The following SLC25A21 variants were observed in gnomAD, a reference collection of about 807,000 sequenced individuals.
SLC25A21 encodes mitochondrial 2-oxodicarboxylate carrier.
SLC25A21 carries 47 observed loss-of-function variants against 43.8 expected under a neutral mutation model. The observed-to-expected ratio is 1.07, with a 90% CI of 0.85 to 1.37. The LOEUF (loss-of-function observed/expected upper bound fraction) is 1.37, where lower values mean the gene tolerates loss of function less well. Ranked by LOEUF, SLC25A21 falls within the 40% of genes most tolerant of loss-of-function variation. SLC25A21 has a pLI of 0.00. For missense variants in SLC25A21, 352 were observed against 350.2 expected (o/e 1.00, Z -0.04); for synonymous variants, 131 against 121.3 (o/e 1.08, Z -0.52).
At chr14:36,908,360 A>G (rs1891590757) in intron 1 of SLC25A21, among the ~76,000 whole-genome samples, 1 of 152,170 alleles carries the variant, frequency 6.6e-6, no homozygotes, top group Admixed American at 6.6e-5. Context: ...AAACTTCCCT[A>G]AAAAGTCATC....
At chr14:37,103,043 G>T (rs979841096) in intron 1 of SLC25A21, among the ~76,000 whole-genome samples, 1 of 151,608 alleles carries the variant, frequency 6.6e-6, no homozygotes, top group Non-Finnish European at 1.5e-5. Context: ...AATAAATATC[G>T]TATCAATCCC....
chr14:36,890,396 G>T (rs1317524050), intron 1 of SLC25A21, among the ~76,000 whole-genome samples: 1 of 152,142 alleles, frequency 6.6e-6, no homozygotes, highest in African/African-American at 2.4e-5. Flanking sequence ...TAATTATAAT[G>T]ATTGGCCAAG....
At chr14:36,826,385 T>G (rs765718258) in intron 2 of SLC25A21, among the ~76,000 whole-genome samples, 1 of 152,198 alleles carries the variant, frequency 6.6e-6, no homozygotes, top group African/African-American at 2.4e-5. Flanking sequence ...TTTCCCTGTA[T>G]AGTTTTGTGC....
chr14:37,126,721 T>C (rs1487244154), intron 1 of SLC25A21, among the ~76,000 whole-genome samples: 1 of 152,170 alleles, frequency 6.6e-6, no homozygotes, highest in East Asian at 1.9e-4. Flanking sequence ...TTAACAAACA[T>C]TTACAAAGTA....
chr14:37,148,811 TAAC>T (rs1566914348), intron 1 of SLC25A21, among the ~76,000 whole-genome samples: 1 of 152,122 alleles, frequency 6.6e-6, no homozygotes, highest in Non-Finnish European at 1.5e-5. Context: ...TTTAAACTAA[TAAC>T]AAAAAATCAA....
intron 3 of SLC25A21, among the ~76,000 whole-genome samples, chr14:36,784,084 T>C (rs1887166659): frequency 6.6e-6 from 1 of 152,182 alleles, no homozygotes; most frequent in Non-Finnish European, 1.5e-5. Flanking sequence ...ATTACCCAGG[T>C]CGTCAGGTAT....
intron 1 of SLC25A21, among the ~76,000 whole-genome samples, chr14:37,000,129 T>A (rs559115846): frequency 8.5e-5 from 13 of 152,314 alleles, no homozygotes; most frequent in African/African-American, 3.1e-4. Context: ...CTTAGTTTCT[T>A]GGGCCAAAAA....
intron 1 of SLC25A21, among the ~76,000 whole-genome samples, chr14:37,026,926 A>G (rs1429237660): frequency 6.6e-6 from 1 of 152,132 alleles, no homozygotes; most frequent in Non-Finnish European, 1.5e-5. Context: ...CCATTTATTT[A>G]AAGACTACAT....
intron 7 of SLC25A21, among the ~76,000 whole-genome samples, chr14:36,689,524 G>A (rs1882705679): frequency 6.6e-6 from 1 of 152,178 alleles, no homozygotes; most frequent in Non-Finnish European, 1.5e-5. Context: ...GTGCAGGGTT[G>A]AAAACAAAGA....
intron 1 of SLC25A21, among the ~76,000 whole-genome samples, chr14:37,032,226 G>A (rs1028722290): frequency 1.3e-5 from 2 of 152,042 alleles, no homozygotes; most frequent in Non-Finnish European, 2.9e-5. Flanking sequence ...TAAAATAAGT[G>A]CTTAGGCCAT....
chr14:36,994,611 G>C (rs1041848960), intron 1 of SLC25A21, among the ~76,000 whole-genome samples: 1 of 152,094 alleles, frequency 6.6e-6, no homozygotes, highest in African/African-American at 2.4e-5. Flanking sequence ...GGGAGCCTAG[G>C]GTTATTAGGT....
intron 4 of SLC25A21, among the ~76,000 whole-genome samples, chr14:36,731,599 G>C (rs1884828636): frequency 6.6e-6 from 1 of 152,084 alleles, no homozygotes; most frequent in South Asian, 2.1e-4. Context: ...TCAATGCCCT[G>C]GGGCTGCTGA....
intron 1 of SLC25A21, among the ~76,000 whole-genome samples, chr14:37,088,340 T>C (rs775719758): frequency 4.6e-5 from 7 of 152,202 alleles, no homozygotes; most frequent in Non-Finnish European, 1.0e-4. Context: ...CACCTAATTA[T>C]ACAAAGTAAA....
At chr14:37,134,781 T>G (rs907700762) in intron 1 of SLC25A21, among the ~76,000 whole-genome samples, 3 of 152,072 alleles carry the variant, frequency 2.0e-5, no homozygotes, top group African/African-American at 7.2e-5. Flanking sequence ...GAAACGGAGC[T>G]TCATAATCAA....
At chr14:36,739,458 A>C (rs924443386) in intron 3 of SLC25A21, among the ~76,000 whole-genome samples, 3 of 152,104 alleles carry the variant, frequency 2.0e-5, no homozygotes, top group African/African-American at 7.2e-5. Context: ...TGGGTGGATC[A>C]CGTGAGGTCA....
chr14:37,161,466 C>A (rs1436546812), intron 1 of SLC25A21, among the ~76,000 whole-genome samples: 1 of 152,090 alleles, frequency 6.6e-6, no homozygotes, highest in Non-Finnish European at 1.5e-5. Flanking sequence ...GAGAAAAATA[C>A]AATAGAATGT....
At chr14:37,064,869 G>C (rs1962028469) in intron 1 of SLC25A21, among the ~76,000 whole-genome samples, 1 of 152,136 alleles carries the variant, frequency 6.6e-6, no homozygotes, top group African/African-American at 2.4e-5. Context: ...TCTCAAAAGA[G>C]TATAGAACAT....
chr14:36,904,721 T>C (rs1891488309), intron 1 of SLC25A21, among the ~76,000 whole-genome samples: 1 of 152,154 alleles, frequency 6.6e-6, no homozygotes, highest in South Asian at 2.1e-4. Flanking sequence ...GAGGAGGAAC[T>C]GTCAAACACT....
At chr14:36,836,430 G>A (rs1566660700) in intron 2 of SLC25A21, among the ~76,000 whole-genome samples, 2 of 152,146 alleles carry the variant, frequency 1.3e-5, no homozygotes. Context: ...ATAAATTCAA[G>A]GTTTTTCTTG....
Sources: allele counts gnomAD v4.1 joint callset (sites outside exome capture counted in the v4.1 genomes callset), GRCh38; gene constraint gnomAD v4.1.1; transcripts MANE v1.5; gene names NCBI Gene and HGNC (gene_info 2026-07-23, HGNC 2026-07-21).